Variants in FAM53A observed in about 807,000 individuals in gnomAD.
FAM53A encodes the protein protein FAM53A.
A neutral mutation model predicts 26.6 loss-of-function variants in FAM53A; 28 were observed. That is an observed-to-expected ratio of 1.05 (90% confidence interval 0.78 to 1.45). The LOEUF (loss-of-function observed/expected upper bound fraction) is 1.45. Among genes scored for constraint, FAM53A ranks in the 40% most tolerant of loss-of-function variants. The pLI is 0.00. For synonymous variants in FAM53A, 290 were observed against 253.1 expected, an observed-to-expected ratio of 1.15 and a Z score of -1.38; for missense variants, 650 against 575.8, an observed-to-expected ratio of 1.13 and a Z score of -1.32.
At chr4:1,604,731 C>T in the FAM53A span, among the ~76,000 whole-genome samples, 1 of 152,282 alleles carries the variant, frequency 6.6e-6, no homozygotes. Flanking sequence ...CACGCCCTCC[C>T]GCCTCCTCCT....
At chr4:1,662,312 C>T (rs71606374) in intron 2 of FAM53A, among the ~76,000 whole-genome samples, 2 of 152,006 alleles carry the variant, frequency 1.3e-5, no homozygotes, top group African/African-American at 4.8e-5. Context: ...AATTCCATCT[C>T]TACTAAAAAT....
the FAM53A span, among the ~76,000 whole-genome samples, chr4:1,607,387 T>C: frequency 6.6e-6 from 1 of 151,986 alleles, no homozygotes; most frequent in Admixed American, 6.6e-5. Context: ...TATTCTATTA[T>C]TATGGAAACG....
rs937124440 is a variant in FAM53A at position 1,620,027 on chromosome 4, G to A, written c.432-1916C>T. On this transcript the variant is annotated intron_variant, in intron 1 of 1. Transcript: ENST00000489029. ...GTTCGAGACCAGCCTGGCCAATATG[G>A]TGAAACCCCGTCTCTACTAAATATA... Among the ~76,000 whole-genome samples, 10 of 151,586 alleles carry A rather than the reference G, an allele frequency of 6.6e-5. No individual in the cohort carries two copies. In the East Asian group the frequency reaches 1.9e-3, roughly 29 times the overall value.
chr4:1,619,750 TGGCAGGAATG>T (rs1485739180), intron 1 of FAM53A, among the ~76,000 whole-genome samples: 2 of 151,976 alleles, frequency 1.3e-5, no homozygotes, highest in Admixed American at 6.5e-5. Flanking sequence ...CTCAGGGCCC[TGGCAGGAATG>T]GGGGTTCACG....
At chr4:1,681,220 C>T (rs1560218609) in intron 1 of FAM53A, among the ~76,000 whole-genome samples, 1 of 152,150 alleles carries the variant, frequency 6.6e-6, no homozygotes, top group Non-Finnish European at 1.5e-5. Flanking sequence ...CGTCAGCCTC[C>T]CAAGTAGCGG....
chr4:1,655,047 C>T lies in FAM53A; in HGVS notation c.813G>A (p.Arg271=), dbSNP rs1443052289. 1 of 1,587,384 alleles carries T rather than the reference C, an allele frequency of 6.3e-7. No individual in the cohort carries two copies. Among genetic ancestry groups the T allele is most frequent in the Non-Finnish European group, 8.6e-7 (1 of 1,166,240 alleles). The change falls in exon 4 of 5, where the codon CGG becomes CGA. Residue 271 remains arginine, a synonymous_variant. Transcript: ENST00000308132. ...QPCVLSGKRS[R]RKRRREEDAR... ...CGTCCTCCTCACGCCTCCGTTTGCG[C>T]CGGCTCCTCTTCCCACTGAGCACGC...
downstream of FAM53A, among the ~76,000 whole-genome samples, chr4:1,613,994 A>G (rs1381069491): frequency 6.6e-6 from 1 of 152,216 alleles, no homozygotes; most frequent in Non-Finnish European, 1.5e-5. Flanking sequence ...AGAAGTGAGC[A>G]CCAAAGACTC....
chr4:1,641,298 T>G lies in FAM53A; in HGVS notation c.1192A>C (p.Asn398His), dbSNP rs778597752. 1 of 1,612,924 alleles carries G rather than the reference T, an allele frequency of 6.2e-7. No homozygotes were observed. The highest frequency in any genetic ancestry group is 1.1e-5 in the South Asian group (1 of 91,070). ...WELDLEQIENN is the reference protein window; with the variant it reads ...WELDLEQIENH The stretch of plus-strand genomic sequence containing the variant: ...CCGACCAGCCCCCACCAGCCTCAGT[T>G]GTTCTCGATCTGCTCCAGGTCCAGC... The change falls in exon 5 of 5, where the codon AAC becomes CAC. Residue 398 changes from asparagine (N) to histidine (H), a missense_variant. Transcript: ENST00000308132.
At chr4:1,604,073 C>T in the FAM53A span, among the ~76,000 whole-genome samples, 83,428 of 152,088 alleles carry the variant, frequency 0.55, 23,460 homozygotes, top group African/African-American at 0.61. Flanking sequence ...GCCATCATCG[C>T]GGGGTGGTCC....
At chr4:1,579,343 C>A in the FAM53A span, among the ~76,000 whole-genome samples, 2 of 151,948 alleles carry the variant, frequency 1.3e-5, no homozygotes, top group East Asian at 3.9e-4. Flanking sequence ...GGAGGCCCCT[C>A]CCTACCCCGG....
At chr4:1,644,803 C>T (rs1560142801) in intron 4 of FAM53A, 1 of 156,144 alleles carries the variant, frequency 6.4e-6, no homozygotes, top group East Asian at 1.9e-4. Context: ...GCCTCCAGCA[C>T]CTGAGGTGGG....
At chr4:1,594,083 G>GCCGCGGA in the FAM53A span, among the ~76,000 whole-genome samples, 5,887 of 152,196 alleles carry the variant, frequency 0.039, 278 homozygotes, top group African/African-American at 0.11. Flanking sequence ...GGCGCCGCGG[G>GCCGCGGA]CCCCAGGTCC....
At chr4:1,580,118 T>C in the FAM53A span, 1 of 152,246 alleles carries the variant, frequency 6.6e-6, no homozygotes, top group South Asian at 2.1e-4. Context: ...CATTTGTTGA[T>C]AGATTTTTAA....
chr4:1,617,802 C>T (rs533990846), downstream of FAM53A: 195 of 336,350 alleles, frequency 5.8e-4, 1 homozygote, highest in African/African-American at 1.7e-4. Flanking sequence ...TCTGGGTTGA[C>T]GGTTCTCTTT....
the FAM53A span, among the ~76,000 whole-genome samples, chr4:1,595,279 A>C: frequency 6.6e-6 from 1 of 152,202 alleles, no homozygotes; most frequent in Admixed American, 6.5e-5. Context: ...CAGGAGCCCC[A>C]CCGGCTCCTC....
chr4:1,682,203 AT>A (rs1560220547), intron 1 of FAM53A, among the ~76,000 whole-genome samples: 1 of 151,764 alleles, frequency 6.6e-6, no homozygotes, highest in Non-Finnish European at 1.5e-5. Context: ...GTGAAATTCA[AT>A]TTTTCTTTAA....
At chr4:1,677,182 C>A (rs1179569376) in intron 1 of FAM53A, among the ~76,000 whole-genome samples, 3 of 152,182 alleles carry the variant, frequency 2.0e-5, no homozygotes, top group Non-Finnish European at 4.4e-5. Context: ...TCCCAGGATG[C>A]CTGCTCAGCT....
chr4:1,656,138 C>A lies in FAM53A; in HGVS notation c.137-415G>T, dbSNP rs142859170. ...TCTCCAGGGCCCCTTCTTAAAGCAG[C>A]TCAGGTCCCTTAGTAACATGGGCAA... On this transcript the variant is annotated intron_variant, in intron 3 of 4. Transcript: ENST00000308132. Among the ~76,000 whole-genome samples, 382 of 152,324 alleles carry A rather than the reference C, an allele frequency of 2.5e-3. 2 individuals carry two copies. Among genetic ancestry groups the A allele is most frequent in the Middle Eastern group, 0.01 (3 of 294 alleles).
chr4:1,683,140 C>A (rs1299248107), intron 1 of FAM53A, among the ~76,000 whole-genome samples: 1 of 152,226 alleles, frequency 6.6e-6, no homozygotes, highest in East Asian at 1.9e-4. Flanking sequence ...AGAACTACCA[C>A]CTAGTTTTCC....
Sources: allele counts gnomAD v4.1 joint callset (sites outside exome capture counted in the v4.1 genomes callset), GRCh38; gene constraint gnomAD v4.1.1; transcripts MANE v1.5; gene names NCBI Gene and HGNC (gene_info 2026-07-23, HGNC 2026-07-21).